FMN1: variants seen among roughly 807,000 people sequenced by gnomAD.
FMN1 encodes the protein formin 1, also known as formin-1.
In FMN1, 110 loss-of-function variants were observed where a neutral mutation model predicts 132.4. The observed-to-expected ratio is 0.83, with a 90% CI of 0.71 to 0.97. The LOEUF is 0.97. Ranked by LOEUF, FMN1 falls within the 50% of genes least tolerant of loss-of-function variation. The probability of loss-of-function intolerance (pLI) is 0.00; values close to 1 mark genes in which losing one functional copy is unlikely to be tolerated. For missense variants in FMN1, 1,792 were observed against 1,705.3 expected, an observed-to-expected ratio of 1.05 and a Z score of -0.90; for synonymous variants, 722 against 651.7, an observed-to-expected ratio of 1.11 and a Z score of -1.64.
intron 4 of FMN1, among the ~76,000 whole-genome samples, chr15:33,118,844 ACATT>A (rs1962279498): frequency 6.6e-6 from 1 of 152,046 alleles, no homozygotes. Flanking sequence ...ATTTCTAGTC[ACATT>A]CATACTCCAA....
chr15:33,045,420 G>A (rs2036632850), intron 6 of FMN1, among the ~76,000 whole-genome samples: 1 of 152,230 alleles, frequency 6.6e-6, no homozygotes, highest in East Asian at 1.9e-4. Context: ...GGCCACAGAG[G>A]TTTCTGGCTG....
At chr15:32,907,195 A>G (rs2060447565) in intron 12 of FMN1, among the ~76,000 whole-genome samples, 1 of 152,060 alleles carries the variant, frequency 6.6e-6, no homozygotes, top group African/African-American at 2.4e-5. Context: ...CTTTATTTCC[A>G]TTATTATTAC....
chr15:33,178,712 A>G (rs1276465401), intron 3 of FMN1, among the ~76,000 whole-genome samples: 1 of 152,202 alleles, frequency 6.6e-6, no homozygotes, highest in African/African-American at 2.4e-5. Context: ...TGATAGATAC[A>G]CTGGCATTCA....
At chr15:32,852,031 A>C (rs1004613582) in intron 17 of FMN1, among the ~76,000 whole-genome samples, 3 of 152,348 alleles carry the variant, frequency 2.0e-5, no homozygotes, top group Admixed American at 1.3e-4. Context: ...TCCTGTGCTC[A>C]GATACTCTGA....
chr15:32,945,783 G>A (rs761690178), intron 9 of FMN1, among the ~76,000 whole-genome samples: 1 of 150,752 alleles, frequency 6.6e-6, no homozygotes, highest in Non-Finnish European at 1.5e-5. Flanking sequence ...CAGCAAGAGT[G>A]AGCACCCCTA....
intron 6 of FMN1, among the ~76,000 whole-genome samples, chr15:33,019,334 A>C (rs2035281110): frequency 6.6e-6 from 1 of 152,166 alleles, no homozygotes; most frequent in African/African-American, 2.4e-5. Context: ...TGAGCTAGAT[A>C]CAGAGTGCCA....
chr15:33,015,967 G>A (rs557485211), intron 6 of FMN1, among the ~76,000 whole-genome samples: 1 of 152,276 alleles, frequency 6.6e-6, no homozygotes, highest in South Asian at 2.1e-4. Flanking sequence ...GAACATCTTA[G>A]AAATGCAAAT....
At chr15:32,841,501 C>A (rs1484084340) in intron 17 of FMN1, among the ~76,000 whole-genome samples, 1 of 152,078 alleles carries the variant, frequency 6.6e-6, no homozygotes, top group Non-Finnish European at 1.5e-5. Flanking sequence ...TTAGAAATGG[C>A]TTTTAACTAT....
At chr15:32,944,416 C>T (rs2061461897) in intron 9 of FMN1, among the ~76,000 whole-genome samples, 1 of 152,210 alleles carries the variant, frequency 6.6e-6, no homozygotes, top group African/African-American at 2.4e-5. Context: ...GTCAACTGGC[C>T]TGATAATGAC....
intron 7 of FMN1, among the ~76,000 whole-genome samples, chr15:32,991,705 C>T (rs1459886953): frequency 6.6e-6 from 1 of 152,088 alleles, no homozygotes; most frequent in Non-Finnish European, 1.5e-5. Context: ...ATTTTATGGT[C>T]CTTCCGTCAG....
chr15:33,065,280 A>T (rs904741789), intron 5 of FMN1, among the ~76,000 whole-genome samples: 1 of 142,018 alleles, frequency 7.0e-6, no homozygotes, highest in East Asian at 1.9e-4. Context: ...TTAAAACTAC[A>T]ACAACAAAAA....
At chr15:32,907,473 TCTCA>T (rs2060455361) in intron 12 of FMN1, among the ~76,000 whole-genome samples, 1 of 151,990 alleles carries the variant, frequency 6.6e-6, no homozygotes, top group Non-Finnish European at 1.5e-5. Flanking sequence ...CCGGCTTGTC[TCTCA>T]CTCACCTCCT....
intron 4 of FMN1, among the ~76,000 whole-genome samples, chr15:33,109,000 C>G (rs140638455): frequency 1.2e-3 from 184 of 152,154 alleles, no homozygotes; most frequent in Non-Finnish European, 2.0e-3. Context: ...CTAAAAATGT[C>G]CCCATGCCTA....
intron 17 of FMN1, among the ~76,000 whole-genome samples, chr15:32,824,583 C>T (rs1018121235): frequency 6.6e-6 from 1 of 152,088 alleles, no homozygotes; most frequent in South Asian, 2.1e-4. Context: ...CTCCAAGGCC[C>T]GCTCTCTAGA....
rs1216779315 is a variant in FMN1, at chr15:32,857,006, G to T, written c.3928+9C>A. On this transcript the variant is annotated intron_variant, in intron 17 of 20. Coordinates refer to ENST00000616417, the MANE Select transcript of FMN1 (RefSeq NM_001277313.2). The stretch of plus-strand genomic sequence containing the variant: ...GCCACGTGTATGTGCGGCTGACAAA[G>T]CTTCCTACCTTTTTGGAAGAACTCC... 6.3e-7 allele frequency: 1 copy of T among 1,599,844 alleles called. No individual in the cohort carries two copies. Among genetic ancestry groups the T allele is most frequent in the South Asian group, 1.1e-5 (1 of 90,796 alleles).
intron 16 of FMN1, among the ~76,000 whole-genome samples, chr15:32,872,504 A>G (rs1183182308): frequency 6.6e-6 from 1 of 152,214 alleles, no homozygotes; most frequent in Non-Finnish European, 1.5e-5. Context: ...AATACTAAAT[A>G]TGTCCTCTGA....
chr15:32,781,082 TAAAG>T (rs2056647093), intron 19 of FMN1, among the ~76,000 whole-genome samples: 1 of 152,208 alleles, frequency 6.6e-6, no homozygotes, highest in African/African-American at 2.4e-5. Context: ...CTTAAAATCT[TAAAG>T]AATATATGAT....
chr15:32,825,884 T>C (rs2058352408), intron 17 of FMN1, among the ~76,000 whole-genome samples: 1 of 152,216 alleles, frequency 6.6e-6, no homozygotes, highest in Non-Finnish European at 1.5e-5. Flanking sequence ...TCATAAAGAA[T>C]GAATGGTTAA....
At chr15:32,932,750 A>C (rs916151401) in intron 9 of FMN1, among the ~76,000 whole-genome samples, 2 of 152,080 alleles carry the variant, frequency 1.3e-5, no homozygotes, top group Non-Finnish European at 2.9e-5. Context: ...CTAGGAATTG[A>C]TCTATTTCTC....
Sources: gnomAD v4.1 joint callset for allele counts (sites outside exome capture counted in the v4.1 genomes callset) on GRCh38, gnomAD v4.1.1 for gene constraint, MANE v1.5 for transcripts, NCBI Gene and HGNC (gene_info 2026-07-23, HGNC 2026-07-21) for gene names.